ZNF101: variants seen among roughly 807,000 people sequenced by gnomAD.
The protein encoded by ZNF101 is zinc finger protein 101, also known as zinc finger protein 101 (Y2).
ZNF101 carries 34 observed loss-of-function variants against 42.6 expected under a neutral mutation model. The ratio of observed to expected loss-of-function variants is 0.80; its 90% CI spans 0.61 to 1.06. The LOEUF is 1.06. Among genes scored for constraint, ZNF101 ranks in the 50% least tolerant of loss-of-function variants. The pLI, the probability that ZNF101 is intolerant of heterozygous loss-of-function variation, is 0.00. For missense variants in ZNF101, 466 were observed against 530.9 expected, an observed-to-expected ratio of 0.88 and a Z score of 1.20; for synonymous variants, 158 against 183.9, an observed-to-expected ratio of 0.86 and a Z score of 1.14.
rs149078805 is a variant in ZNF101 at position 19,679,337 on chromosome 19, C to T, written c.348C>T (p.Phe116=). Residue 116 remains phenylalanine (F), a synonymous_variant, in exon 4 of 4, where the codon TTC becomes TTT. Transcript: ENST00000592502. ...VCGKVFLRHS[F]LDRHMRAHAG... ...GGAAAGTCTTCCTCCGTCATTCATT[C>T]CTGGACAGGCACATGAGAGCTCATG... 4.3e-5 allele frequency: 69 copies of T among 1,614,076 alleles called. No individual in the cohort carries two copies. In the African/African-American group the frequency reaches 8.4e-4, roughly 20 times the overall value.
In ZNF101 at chr19:19,677,871, T is replaced by C; in HGVS notation, c.11T>C (p.Val4Ala). 1 of 1,611,330 alleles carries C rather than the reference T, an allele frequency of 6.2e-7. No individual in the cohort carries two copies. ...ACCTGTGGGATGTTTCAGGACTCAG[T>C]GGCCTTTGAGGATGTGGCTGTGAAC... MDS[V>A]AFEDVAVNFT... The change falls in exon 2 of 4, where the codon GTG (valine) becomes GCG (alanine). Residue 4 changes from valine to alanine, a missense_variant. Physicochemically the swap from Val to Ala is moderately conservative, Grantham distance 64. Transcript: ENST00000592502.
chr19:19,669,494 A>G (rs568463314), intron 1 of ZNF101, among the ~76,000 whole-genome samples: 2 of 152,024 alleles, frequency 1.3e-5, no homozygotes, highest in East Asian at 1.9e-4. Context: ...TATTATTATC[A>G]TTATTTCTAT....
intron 1 of ZNF101, chr19:19,677,180 C>G (rs1271198008): frequency 6.6e-6 from 1 of 152,148 alleles, no homozygotes; most frequent in East Asian, 1.9e-4. Context: ...CTTGGTATAA[C>G]CACATGGGAT....
intron 1 of ZNF101, 50 bp downstream of exon 1, chr19:19,669,016 A>C: frequency 6.4e-7 from 1 of 1,560,458 alleles, no homozygotes; most frequent in Non-Finnish European, 8.7e-7. Flanking sequence ...AGCTGGTCGG[A>C]ACCGGCAGTG....
intron 1 of ZNF101, among the ~76,000 whole-genome samples, chr19:19,673,948 C>T (rs1334405580): frequency 2.0e-5 from 3 of 151,204 alleles, no homozygotes; most frequent in Non-Finnish European, 2.9e-5. Context: ...TGCCTGCCAC[C>T]GCGCCCGACT....
chr19:19,672,151 T>A (rs2062174663), intron 1 of ZNF101: 1 of 148,384 alleles, frequency 6.7e-6, no homozygotes, highest in South Asian at 2.1e-4. Flanking sequence ...ATTTATAAAT[T>A]TTATGTATGA....
intron 1 of ZNF101, among the ~76,000 whole-genome samples, chr19:19,674,859 C>T (rs1403008988): frequency 2.6e-5 from 4 of 151,810 alleles, no homozygotes; most frequent in Non-Finnish European, 2.9e-5. Flanking sequence ...CTCGTTTTGT[C>T]GCCCAGGATG....
intron 1 of ZNF101, among the ~76,000 whole-genome samples, chr19:19,672,618 CAG>C (rs993457247): frequency 2.0e-5 from 3 of 152,008 alleles, no homozygotes; most frequent in Admixed American, 6.6e-5. Context: ...CTCTGCCTCC[CAG>C]GTTCAAACGA....
At chr19:19,672,992 T>C (rs1273697752) in intron 1 of ZNF101, among the ~76,000 whole-genome samples, 1 of 152,082 alleles carries the variant, frequency 6.6e-6, no homozygotes. Flanking sequence ...TCACCCAGAC[T>C]GGAATGCAGT....
chr19:19,668,745 C>G (rs888537975), upstream of ZNF101: 9 of 526,516 alleles, frequency 1.7e-5, no homozygotes, highest in Non-Finnish European at 3.0e-5. Flanking sequence ...ACCAGCCAGT[C>G]AGAGGCGCTG....
chr19:19,671,647 C>T (rs2062171197), intron 1 of ZNF101, among the ~76,000 whole-genome samples: 1 of 151,946 alleles, frequency 6.6e-6, no homozygotes, highest in Non-Finnish European at 1.5e-5. Flanking sequence ...CTACAGGTGC[C>T]CGCCATTACG....
upstream of ZNF101, chr19:19,668,689 CG>C: frequency 2.2e-6 from 1 of 445,128 alleles, no homozygotes; most frequent in Non-Finnish European, 4.0e-6. Context: ...TTGAGGATTC[CG>C]ATCACCTCTC....
chr19:19,668,857 G>A lies in ZNF101; in HGVS notation c.-107G>A, dbSNP rs2062150257. The stretch of plus-strand genomic sequence containing the variant: ...GCCCCCCATTCGGGTCCGGGTTTTA[G>A]TTCCTCGGGGAGCCCCTGGTGCCCC... On this transcript the variant is annotated 5_prime_UTR_variant, in exon 1 of 4. Coordinates refer to ENST00000592502, the MANE Select transcript of ZNF101 (RefSeq NM_033204.4). 5.6e-6 allele frequency: 8 copies of A among 1,418,204 alleles called. No homozygotes were observed. Among genetic ancestry groups the A allele is most frequent in the Non-Finnish European group, 1.9e-6 (2 of 1,060,746 alleles). 87.9% of individuals were successfully genotyped at this position (1,418,204 alleles called of 1,614,324 possible).
At position 19,679,558 on chromosome 19, in the gene ZNF101, C is replaced by A; in HGVS notation, c.569C>A (p.Thr190Asn). The change falls in exon 4 of 4, where the codon ACT (threonine) becomes AAT (asparagine). Residue 190 changes from threonine (T) to asparagine (N), a missense_variant. Transcript: ENST00000592502. Reference protein sequence around the residue: ...SPNLFQIHQRTHTGKRSYKCR... With the variant: ...SPNLFQIHQRNHTGKRSYKCR... ...AATTTATTTCAAATCCATCAAAGAA[C>A]TCACACTGGAAAGAGGTCCTATAAA... is the stretch of plus-strand genomic sequence containing the variant. The A allele has an allele frequency of 6.2e-7, 1 of 1,614,160 alleles. No homozygotes were observed. Among genetic ancestry groups the A allele is most frequent in the Non-Finnish European group, 8.5e-7 (1 of 1,180,036 alleles).
chr19:19,669,521 TCTCA>T (rs1016967291), intron 1 of ZNF101, among the ~76,000 whole-genome samples: 2 of 152,038 alleles, frequency 1.3e-5, no homozygotes, highest in Non-Finnish European at 2.9e-5. Context: ...TGAGACGGAG[TCTCA>T]CTCTGTCGCC....
chr19:19,683,118 T>TA lies in ZNF101; in HGVS notation c.*2820dup, dbSNP rs1235994036. 3 of 152,178 alleles carry TA rather than the reference T, an allele frequency of 2.0e-5. No homozygotes were observed. The highest frequency in any genetic ancestry group is 4.4e-5 in the Non-Finnish European group (3 of 68,048). The allele number at this position is 152,178 out of a possible 1,614,324, so 9.4% of individuals were successfully genotyped here. A position where few individuals can be genotyped will look rare whatever the true frequency, so the allele number is the denominator to read the frequency against. ...CTGCGACCGGCCCATGAGTCTTTAT[T>TA]AATAGAGATTTCTTACTGGTGTTAT... On this transcript the variant is annotated 3_prime_UTR_variant, in exon 4 of 4. Transcript: ENST00000592502.
intron 2 of ZNF101, 58 bp from the exon 3 acceptor site, chr19:19,678,668 A>G (rs202104842): frequency 1.7e-4 from 246 of 1,440,808 alleles, no homozygotes; most frequent in Non-Finnish European, 2.3e-4. Context: ...CTTAGAACCT[A>G]GTGATTTTTC....
chr19:19,678,633 A>T, intron 2 of ZNF101, 93 bp from the exon 3 acceptor site: 1 of 1,057,462 alleles, frequency 9.5e-7, no homozygotes, highest in Non-Finnish European at 1.3e-6. Context: ...AAAAAAAATC[A>T]GGCATTGTGG....
At chr19:19,673,008 G>C (rs181038391) in intron 1 of ZNF101, among the ~76,000 whole-genome samples, 1 of 151,708 alleles carries the variant, frequency 6.6e-6, no homozygotes. Context: ...GCAGTGGCAC[G>C]GTCTTGACTC....
Sources: gnomAD v4.1 joint callset for allele counts (sites outside exome capture counted in the v4.1 genomes callset) on GRCh38, gnomAD v4.1.1 for gene constraint, MANE v1.5 for transcripts, NCBI Gene and HGNC (gene_info 2026-07-23, HGNC 2026-07-21) for gene names.